PPP1R16B: variants seen among roughly 807,000 people sequenced by gnomAD.
PPP1R16B encodes protein phosphatase 1 regulatory subunit 16B.
In PPP1R16B, 14 loss-of-function variants were observed where a neutral mutation model predicts 61.7. The observed-to-expected ratio is 0.23, with a 90% confidence interval of 0.15 to 0.35. The LOEUF is 0.35. PPP1R16B is among the 10% of genes least tolerant of loss of function. The probability of loss-of-function intolerance (pLI) is 1.00; values close to 1 mark genes in which losing one functional copy is unlikely to be tolerated. For missense variants in PPP1R16B, 547 were observed against 752.5 expected, an observed-to-expected ratio of 0.73 and a Z score of 3.19; for synonymous variants, 266 against 305.3, an observed-to-expected ratio of 0.87 and a Z score of 1.34.
At chr20:38,843,262 G>T (rs1468566139) in intron 2 of PPP1R16B, among the ~76,000 whole-genome samples, 1 of 152,256 alleles carries the variant, frequency 6.6e-6, no homozygotes, top group Non-Finnish European at 1.5e-5. Context: ...CGTAGCAGAT[G>T]AACTCAAAAT....
rs1258270176 is a variant in PPP1R16B at position 38,895,703 on chromosome 20, G to A, written c.460G>A (p.Val154Ile). The A allele has an allele frequency of 2.5e-6, 4 of 1,613,982 alleles. No individual in the cohort carries two copies. The South Asian group carries it at 3.3e-5, about 13-fold the overall frequency. Residue 154 changes from valine (V) to isoleucine (I), a missense_variant, in exon 4 of 11, where the codon GTT (valine) becomes ATT (isoleucine). Coordinates refer to ENST00000299824, the MANE Select transcript of PPP1R16B (RefSeq NM_015568.4). Reference sequence around the variant, plus strand: ...CCACATCAACCTGGTGAAGATCCTCGTTCAGTAGTACGTGCCCCTCCCTGC... The same window carrying A: ...CCACATCAACCTGGTGAAGATCCTCATTCAGTAGTACGTGCCCCTCCCTGC... Reference protein sequence around the residue: ...CGHINLVKILVQYGADLLAVN... With the variant: ...CGHINLVKILIQYGADLLAVN...
intron 2 of PPP1R16B, among the ~76,000 whole-genome samples, chr20:38,875,433 C>T (rs1295645202): frequency 6.6e-6 from 1 of 152,214 alleles, no homozygotes; most frequent in Non-Finnish European, 1.5e-5. Context: ...CTGGAAGTCA[C>T]AGGAGATTGT....
chr20:38,884,991 C>T (rs1040773387), intron 2 of PPP1R16B, among the ~76,000 whole-genome samples: 10 of 142,746 alleles, frequency 7.0e-5, no homozygotes, highest in Non-Finnish European at 1.1e-4. Flanking sequence ...GAGCCGAGAT[C>T]GCACCACTGC....
chr20:38,915,531 G>A (rs2085528551), intron 10 of PPP1R16B, among the ~76,000 whole-genome samples: 1 of 152,148 alleles, frequency 6.6e-6, no homozygotes, highest in African/African-American at 2.4e-5. Context: ...TATTGCCCAG[G>A]CTGGAGTGCA....
intron 1 of PPP1R16B, among the ~76,000 whole-genome samples, chr20:38,823,233 G>A (rs193226205): frequency 6.6e-6 from 1 of 152,182 alleles, no homozygotes; most frequent in South Asian, 2.1e-4. Flanking sequence ...CCAAAATGTA[G>A]GGCATCTGGA....
At chr20:38,832,656 C>T (rs933981911) in intron 1 of PPP1R16B, among the ~76,000 whole-genome samples, 2 of 152,084 alleles carry the variant, frequency 1.3e-5, no homozygotes, top group African/African-American at 2.4e-5. Flanking sequence ...CGGGGGCTCA[C>T]GCCTGTAATC....
At chr20:38,851,016 T>TG (rs2084965359) in intron 2 of PPP1R16B, among the ~76,000 whole-genome samples, 1 of 151,828 alleles carries the variant, frequency 6.6e-6, no homozygotes, top group South Asian at 2.1e-4. Context: ...AGATGCTGCC[T>TG]GGGGCCACAC....
intron 5 of PPP1R16B, among the ~76,000 whole-genome samples, chr20:38,901,866 A>G (rs2085396896): frequency 6.6e-6 from 1 of 152,246 alleles, no homozygotes; most frequent in Admixed American, 6.5e-5. Context: ...TAGCTATAGT[A>G]TCTGTTGGTA....
In PPP1R16B at chr20:38,918,767, G is replaced by C. The variant is rs1344187516; in HGVS notation, c.*101G>C. The C allele has an allele frequency of 1.5e-6, 2 of 1,329,858 alleles. No individual in the cohort carries two copies. The highest frequency in any genetic ancestry group is 2.9e-5 in the African/African-American group (2 of 67,826). The allele number at this position is 1,329,858 out of a possible 1,614,324, so 82.4% of individuals were successfully genotyped here. Reference sequence around the variant, plus strand: ...GGAGGTGTCAGGGCAGCTGGGGAGAGGTGGGCTCTGCTTTTCAGAGGAACT... The same window carrying C: ...GGAGGTGTCAGGGCAGCTGGGGAGACGTGGGCTCTGCTTTTCAGAGGAACT... On this transcript the variant is annotated 3_prime_UTR_variant, in exon 11 of 11. Coordinates refer to ENST00000299824, the MANE Select transcript of PPP1R16B (RefSeq NM_015568.4). The surrounding 1 kb of genome is among the most constrained non-coding windows in gnomAD (Gnocchi z 5.3).
At chr20:38,895,779 TC>T in intron 4 of PPP1R16B, 69 bp downstream of exon 4, 3 of 1,476,546 alleles carry the variant, frequency 2.0e-6, no homozygotes, top group Non-Finnish European at 1.8e-6. Flanking sequence ...TCCTTCTTTC[TC>T]TCCTCCCTCC....
chr20:38,903,579 GTCCATCCA>G (rs1158511381), intron 6 of PPP1R16B, among the ~76,000 whole-genome samples: 97 of 97,498 alleles, frequency 9.9e-4, no homozygotes, highest in African/African-American at 3.6e-3. Context: ...CCGTCCGTCC[GTCCATCCA>G]TCCATCCATC....
chr20:38,867,797 C>T (rs190153957), intron 2 of PPP1R16B, among the ~76,000 whole-genome samples: 178 of 152,138 alleles, frequency 1.2e-3, no homozygotes, highest in African/African-American at 4.1e-3. Context: ...CTCAGCCTCC[C>T]GAGTAGCTGG....
At chr20:38,833,691 C>A (rs888208648) in intron 1 of PPP1R16B, among the ~76,000 whole-genome samples, 1 of 152,266 alleles carries the variant, frequency 6.6e-6, no homozygotes, top group African/African-American at 2.4e-5. Flanking sequence ...TCCCATTGAG[C>A]CTTGCCATTG....
At chr20:38,867,017 G>C (rs369085017) in intron 2 of PPP1R16B, among the ~76,000 whole-genome samples, 7 of 152,178 alleles carry the variant, frequency 4.6e-5, no homozygotes, top group Admixed American at 1.3e-4. Context: ...GTGACTTTTC[G>C]TGTCTGGCTT....
chr20:38,865,197 C>T (rs1292050622), intron 2 of PPP1R16B, among the ~76,000 whole-genome samples: 1 of 151,990 alleles, frequency 6.6e-6, no homozygotes, highest in Non-Finnish European at 1.5e-5. Context: ...TCATACTCTG[C>T]CTCCTTGGGC....
At chr20:38,863,476 C>T (rs1043366577) in intron 2 of PPP1R16B, among the ~76,000 whole-genome samples, 7 of 152,208 alleles carry the variant, frequency 4.6e-5, no homozygotes, top group African/African-American at 1.4e-4. Flanking sequence ...TCTGTCTCCC[C>T]GTAGCCTGAG....
intron 2 of PPP1R16B, among the ~76,000 whole-genome samples, chr20:38,853,763 C>T (rs2084984460): frequency 6.6e-6 from 1 of 152,232 alleles, no homozygotes; most frequent in South Asian, 2.1e-4. Flanking sequence ...TGGGCTCACT[C>T]ATGAGGCTAC....
chr20:38,906,125 G>A lies in PPP1R16B; in HGVS notation c.822+31G>A, dbSNP rs45471997. ...TCTCACCCACAGGGCTGTGGGGGAG[G>A]CCGGCACAGGGCTAACCTGCTGACA... On this transcript the variant is annotated intron_variant, in intron 7 of 10. Coordinates refer to ENST00000299824, the MANE Select transcript of PPP1R16B (RefSeq NM_015568.4). 3.9e-3 allele frequency: 6,242 copies of A among 1,603,272 alleles called. 223 individuals are homozygous for A. In the African/African-American group the frequency reaches 0.074, roughly 19 times the overall value.
intron 2 of PPP1R16B, among the ~76,000 whole-genome samples, chr20:38,839,470 C>T (rs74590447): frequency 0.05 from 7,554 of 152,166 alleles, 191 homozygotes; most frequent in Non-Finnish European, 0.06. Flanking sequence ...AGTAAAAAGT[C>T]CTTTCTGTCC....
Sources: gnomAD v4.1 joint callset for allele counts (sites outside exome capture counted in the v4.1 genomes callset) on GRCh38, gnomAD v4.1.1 for gene constraint, Gnocchi (gnomAD v3.1) non-coding constraint, MANE v1.5 for transcripts, NCBI Gene and HGNC (gene_info 2026-07-23, HGNC 2026-07-21) for gene names.